The following VAC14 variants were observed in gnomAD, a reference collection of about 807,000 sequenced individuals.
The protein encoded by VAC14 is VAC14 component of PIKFYVE complex, also known as protein VAC14 homolog.
VAC14 carries 47 observed loss-of-function variants against 85.3 expected under a neutral mutation model. That is an observed-to-expected ratio of 0.55 (90% CI 0.44 to 0.70). VAC14 has a LOEUF of 0.70. Among genes scored for constraint, VAC14 ranks in the 30% least tolerant of loss-of-function variants. The pLI, the probability that VAC14 is intolerant of heterozygous loss-of-function variation, is 0.00. For synonymous variants in VAC14, 447 were observed against 430.5 expected (o/e 1.04, Z -0.47); for missense variants, 861 against 1,004.3 (o/e 0.86, Z 1.93).
chr16:70,691,666 G>T, intron 18 of VAC14: 1 of 985,480 alleles, frequency 1.0e-6, no homozygotes, highest in South Asian at 4.7e-5. Flanking sequence ...GCCTTCTGGG[G>T]AAATGGGGCA....
At chr16:70,768,985 TTTTTA>T (rs1171601755) in intron 10 of VAC14, 3 of 282,942 alleles carry the variant, frequency 1.1e-5, no homozygotes, top group African/African-American at 7.1e-5. Flanking sequence ...TTTTTTTTAA[TTTTTA>T]TTTTTAGTAG....
At chr16:70,731,466 A>G in intron 14 of VAC14, 29 bp downstream of exon 14, 2 of 1,601,962 alleles carry the variant, frequency 1.2e-6, no homozygotes, top group African/African-American at 2.7e-5. Context: ...CGTGGGAGGA[A>G]GAGGAGAAAG....
At chr16:70,722,631 C>T (rs1042616070) in intron 14 of VAC14, among the ~76,000 whole-genome samples, 9 of 152,144 alleles carry the variant, frequency 5.9e-5, no homozygotes, top group South Asian at 2.1e-4. Flanking sequence ...CATTCTACAA[C>T]GATGGACAAG....
rs2054593849 is a variant in VAC14 at position 70,731,633 on chromosome 16, G to A, written c.1529-6C>T. 6.2e-7 allele frequency: 1 copy of A among 1,613,572 alleles called. No individual in the cohort carries two copies. The highest frequency in any genetic ancestry group is 8.5e-7 in the Non-Finnish European group (1 of 1,179,900). ...ACATTCTAAGCCTTTGGTACCTGTA[G>A]AGAAAGGGATAGAGCCAGCATTTAT... is the stretch of plus-strand genomic sequence containing the variant. On this transcript the variant is annotated splice_polypyrimidine_tract_variant and splice_region_variant and intron_variant, in intron 13 of 18. Transcript: ENST00000261776.
At chr16:70,755,059 T>C (rs1186931648) in intron 12 of VAC14, 1 of 180,776 alleles carries the variant, frequency 5.5e-6, no homozygotes, top group African/African-American at 2.4e-5. Flanking sequence ...TCATGTGACC[T>C]GCCTGGTCCC....
intron 1 of VAC14, among the ~76,000 whole-genome samples, chr16:70,794,695 T>C (rs1383371369): frequency 2.6e-5 from 4 of 152,242 alleles, no homozygotes; most frequent in African/African-American, 4.8e-5. Context: ...AAATACTTTG[T>C]GATCCAGGCC....
chr16:70,714,744 A>T (rs183474021), intron 14 of VAC14: 17 of 152,290 alleles, frequency 1.1e-4, no homozygotes, highest in African/African-American at 4.1e-4. Flanking sequence ...TGCCTGTCCT[A>T]GCAGCACTGA....
intron 12 of VAC14, chr16:70,747,336 C>G (rs2030986050): frequency 6.6e-6 from 1 of 151,940 alleles, no homozygotes; most frequent in Non-Finnish European, 1.5e-5. Context: ...CTAACGGGTG[C>G]AGGGTACATA....
intron 14 of VAC14, among the ~76,000 whole-genome samples, chr16:70,709,355 CCTCCTGAG>C (rs941933532): frequency 2.0e-5 from 3 of 151,978 alleles, no homozygotes; most frequent in African/African-American, 7.3e-5. Flanking sequence ...ACAGTTTGGA[CCTCCTGAG>C]CTGCAGAGAT....
chr16:70,746,252 G>T (rs948024296), intron 12 of VAC14, among the ~76,000 whole-genome samples: 1 of 152,086 alleles, frequency 6.6e-6, no homozygotes, highest in Non-Finnish European at 1.5e-5. Context: ...GTCACGTGTT[G>T]GCACGCAATC....
intron 14 of VAC14, among the ~76,000 whole-genome samples, chr16:70,717,910 T>TC (rs2054202046): frequency 6.6e-6 from 1 of 152,232 alleles, no homozygotes; most frequent in African/African-American, 2.4e-5. Context: ...TGCCTTGGCC[T>TC]CCCAAAGTGT....
intron 14 of VAC14, among the ~76,000 whole-genome samples, chr16:70,721,203 A>G (rs1169091137): frequency 1.3e-5 from 2 of 152,198 alleles, no homozygotes; most frequent in African/African-American, 4.8e-5. Flanking sequence ...ACAGGCCGGC[A>G]TGGTGGGGCT....
At chr16:70,733,757 A>G (rs1194754292) in intron 13 of VAC14, among the ~76,000 whole-genome samples, 1 of 152,078 alleles carries the variant, frequency 6.6e-6, no homozygotes, top group Non-Finnish European at 1.5e-5. Context: ...CATGCTTTCT[A>G]TAAAGCCTGC....
intron 15 of VAC14, 77 bp downstream of exon 15, chr16:70,698,560 C>T (rs1223169519): frequency 3.3e-5 from 52 of 1,564,302 alleles, no homozygotes; most frequent in Non-Finnish European, 4.4e-5. Flanking sequence ...TGGGGCCAGC[C>T]GAGGGGCGGG....
At chr16:70,769,026 G>C (rs1188480068) in intron 10 of VAC14, 1 of 267,558 alleles carries the variant, frequency 3.7e-6, no homozygotes, top group Non-Finnish European at 7.3e-6. Flanking sequence ...ATGTTGGCCA[G>C]GCTGATCTCG....
chr16:70,728,484 A>G (rs2054494855), intron 14 of VAC14, among the ~76,000 whole-genome samples: 3 of 152,182 alleles, frequency 2.0e-5, no homozygotes, highest in African/African-American at 4.8e-5. Flanking sequence ...GAGCCCAGGA[A>G]GCCCAGGAGA....
chr16:70,689,112 GACCTGGACCC>G, intron 18 of VAC14: 1 of 983,032 alleles, frequency 1.0e-6, no homozygotes. Context: ...GATCTAGACA[GACCTGGACCC>G]AACCATAACT....
chr16:70,714,338 ACGC>A (rs1443278898), intron 14 of VAC14: 1 of 152,278 alleles, frequency 6.6e-6, no homozygotes, highest in African/African-American at 2.4e-5. Flanking sequence ...CAGACGGGGC[ACGC>A]AGCTGAAGAT....
intron 13 of VAC14, among the ~76,000 whole-genome samples, chr16:70,739,369 G>A (rs2030030366): frequency 6.6e-6 from 1 of 152,216 alleles, no homozygotes; most frequent in Non-Finnish European, 1.5e-5. Context: ...GGAAGTGGTG[G>A]CGGGCAGCAA....
Sources: gnomAD v4.1 joint callset for allele counts (sites outside exome capture counted in the v4.1 genomes callset) on GRCh38, gnomAD v4.1.1 for gene constraint, MANE v1.5 for transcripts, NCBI Gene and HGNC (gene_info 2026-07-23, HGNC 2026-07-21) for gene names.